DGKB: variants seen among roughly 807,000 people sequenced by gnomAD.
DGKB encodes the protein diacylglycerol kinase beta.
A neutral mutation model predicts 114.3 loss-of-function variants in DGKB; 67 were observed. That is an observed-to-expected ratio of 0.59 (90% confidence interval 0.48 to 0.72). DGKB has a LOEUF of 0.72. DGKB is among the 30% of genes least tolerant of loss of function. The probability of loss-of-function intolerance (pLI) is 0.00; values close to 1 mark genes in which losing one functional copy is unlikely to be tolerated. For missense variants in DGKB, 907 were observed against 975.2 expected (o/e 0.93, Z 0.93); for synonymous variants, 398 against 323.1 (o/e 1.23, Z -2.49).
chr7:14,659,202 A>G (rs904279179), intron 13 of DGKB, among the ~76,000 whole-genome samples: 2 of 152,048 alleles, frequency 1.3e-5, no homozygotes, highest in East Asian at 1.9e-4. Context: ...GGAAGAACAC[A>G]CCATAACTGG....
At chr7:14,456,386 CAT>C (rs1832290201) in intron 21 of DGKB, among the ~76,000 whole-genome samples, 1 of 152,032 alleles carries the variant, frequency 6.6e-6, no homozygotes, top group Non-Finnish European at 1.5e-5. Context: ...AGCTAAAAAA[CAT>C]AATCATTGGC....
chr7:14,673,134 A>C (rs1476014089), intron 12 of DGKB, 107 bp from the exon 13 acceptor site: 6 of 626,584 alleles, frequency 9.6e-6, no homozygotes, highest in Non-Finnish European at 1.7e-5. Context: ...AAGTACAATA[A>C]AGAAATTATA....
At chr7:14,285,193 A>G (rs945204087) in intron 23 of DGKB, among the ~76,000 whole-genome samples, 1 of 152,136 alleles carries the variant, frequency 6.6e-6, no homozygotes, top group East Asian at 1.9e-4. Context: ...TGATTTGACC[A>G]TATAGGTATA....
chr7:14,753,075 C>T (rs1834345995), intron 4 of DGKB, among the ~76,000 whole-genome samples: 1 of 152,164 alleles, frequency 6.6e-6, no homozygotes, highest in Non-Finnish European at 1.5e-5. Flanking sequence ...GGATCTGTAT[C>T]TAAGTCCACC....
At position 14,753,986 on chromosome 7, in the gene DGKB, G is replaced by A. The variant is rs758498381; in HGVS notation, c.148-38C>T. On this transcript the variant is annotated intron_variant, in intron 3 of 25. Coordinates refer to ENST00000402815, the MANE Select transcript of DGKB (RefSeq NM_001350709.2). ...GGAAAGAAAGAATACATGTGTTAAT[G>A]TAAGATACTTTATACTCATTATCTC... 5 of 1,393,274 alleles carry A rather than the reference G, an allele frequency of 3.6e-6. No homozygotes were observed. In the East Asian group the frequency reaches 9.6e-5, roughly 27 times the overall value. The allele number at this position is 1,393,274 out of a possible 1,614,324, so 86.3% of individuals were successfully genotyped here.
chr7:14,606,780 T>A (rs938912270), intron 17 of DGKB, among the ~76,000 whole-genome samples: 2 of 152,056 alleles, frequency 1.3e-5, no homozygotes, highest in Non-Finnish European at 1.5e-5. Context: ...TTCAAAAGTA[T>A]ACAGTTTATG....
chr7:14,902,951 A>G (rs1324549802), upstream of DGKB: 3 of 152,138 alleles, frequency 2.0e-5, no homozygotes, highest in Non-Finnish European at 4.4e-5. Context: ...CCGGAGCCTG[A>G]AAGTCATCTT....
chr7:14,746,312 T>G (rs919778959), intron 4 of DGKB, among the ~76,000 whole-genome samples: 1 of 152,080 alleles, frequency 6.6e-6, no homozygotes, highest in South Asian at 2.1e-4. Flanking sequence ...CTAGCCTGGG[T>G]GTCAGAGTGA....
At chr7:14,341,093 G>T (rs1259882396) in intron 22 of DGKB, among the ~76,000 whole-genome samples, 2 of 151,682 alleles carry the variant, frequency 1.3e-5, no homozygotes, top group African/African-American at 4.8e-5. Context: ...GTTTTGTCAT[G>T]TGTAGTTTTA....
intron 6 of DGKB, among the ~76,000 whole-genome samples, chr7:14,704,745 T>G (rs1317468940): frequency 3.9e-5 from 6 of 152,094 alleles, no homozygotes; most frequent in African/African-American, 1.4e-4. Context: ...CCAATAGACC[T>G]GCAGCTGAGG....
At chr7:14,379,718 C>T (rs1819093430) in intron 21 of DGKB, among the ~76,000 whole-genome samples, 1 of 152,092 alleles carries the variant, frequency 6.6e-6, no homozygotes, top group African/African-American at 2.4e-5. Context: ...TGCCACCACG[C>T]CAGCTAATTT....
chr7:14,830,521 T>C (rs1586784541), intron 2 of DGKB, among the ~76,000 whole-genome samples: 1 of 152,130 alleles, frequency 6.6e-6, no homozygotes, highest in South Asian at 2.1e-4. Flanking sequence ...ATTTTATTCC[T>C]TTCCTGATAT....
chr7:14,484,562 G>A (rs1783487036), intron 20 of DGKB, among the ~76,000 whole-genome samples: 3 of 152,094 alleles, frequency 2.0e-5, no homozygotes, highest in African/African-American at 4.8e-5. Context: ...TTTGCTTTCC[G>A]CCATGATTGT....
intron 13 of DGKB, among the ~76,000 whole-genome samples, chr7:14,646,219 T>A (rs1050635344): frequency 3.3e-5 from 5 of 152,178 alleles, no homozygotes; most frequent in Non-Finnish European, 5.9e-5. Context: ...GGCAGGATTA[T>A]CTATATTTGT....
intron 23 of DGKB, among the ~76,000 whole-genome samples, chr7:14,280,238 T>A (rs921325056): frequency 2.6e-4 from 39 of 152,084 alleles, no homozygotes; most frequent in African/African-American, 9.4e-4. Flanking sequence ...GCTGATGCGA[T>A]CAACTGGAAG....
At chr7:14,589,931 T>C (rs989254928) in intron 17 of DGKB, among the ~76,000 whole-genome samples, 13 of 143,726 alleles carry the variant, frequency 9.0e-5, no homozygotes, top group Non-Finnish European at 1.9e-4. Flanking sequence ...TTCCCCATTT[T>C]ACGATTTTTT....
At chr7:14,498,490 T>G (rs1785630457) in intron 20 of DGKB, among the ~76,000 whole-genome samples, 1 of 151,798 alleles carries the variant, frequency 6.6e-6, no homozygotes, top group Admixed American at 6.6e-5. Context: ...TAAAATAACC[T>G]GTCTAAATGT....
chr7:14,538,085 C>CAAAAAAA (rs58405374), intron 20 of DGKB, among the ~76,000 whole-genome samples: 9 of 44,798 alleles, frequency 2.0e-4, no homozygotes, highest in Non-Finnish European at 3.1e-4. Flanking sequence ...ATCTCTGTCT[C>CAAAAAAA]AAAAAAAAAA....
chr7:14,725,198 C>A (rs1298440082), intron 5 of DGKB, among the ~76,000 whole-genome samples: 2 of 151,936 alleles, frequency 1.3e-5, no homozygotes, highest in African/African-American at 4.8e-5. Flanking sequence ...AAACAAAAAA[C>A]AAAAAAACTT....
Sources: allele counts gnomAD v4.1 joint callset (sites outside exome capture counted in the v4.1 genomes callset), GRCh38; gene constraint gnomAD v4.1.1; transcripts MANE v1.5; gene names NCBI Gene and HGNC (gene_info 2026-07-23, HGNC 2026-07-21).